NEGR1: variants seen among roughly 807,000 people sequenced by gnomAD.
NEGR1 encodes neuronal growth regulator 1.
Under a neutral mutation model 40.9 loss-of-function variants are expected in NEGR1, and 10 were observed. The ratio of observed to expected loss-of-function variants is 0.24; its 90% CI spans 0.15 to 0.42. The LOEUF is 0.42. Ranked by LOEUF, NEGR1 falls within the 10% of genes least tolerant of loss-of-function variation. NEGR1 has a pLI of 1.00. For synonymous variants in NEGR1, 185 were observed against 166.8 expected (o/e 1.11, Z -0.84); for missense variants, 352 against 438.9 (o/e 0.80, Z 1.77).
At chr1:71,577,451 G>T (rs760077610) in intron 6 of NEGR1, among the ~76,000 whole-genome samples, 2 of 152,170 alleles carry the variant, frequency 1.3e-5, no homozygotes, top group Non-Finnish European at 2.9e-5. Flanking sequence ...CCACTCTGAA[G>T]TGAGAAATAT....
At chr1:71,831,230 T>A (rs796504657) in intron 2 of NEGR1, among the ~76,000 whole-genome samples, 4 of 152,060 alleles carry the variant, frequency 2.6e-5, no homozygotes, top group African/African-American at 7.2e-5. Context: ...TTCATTCAAA[T>A]CACCAAGTAC....
intron 6 of NEGR1, chr1:71,477,396 G>C (rs945023598): frequency 5.9e-5 from 9 of 152,070 alleles, no homozygotes; most frequent in African/African-American, 1.9e-4. Flanking sequence ...AAAGGCTGAC[G>C]TTTGCTTTTG....
chr1:71,501,934 G>A (rs1647002005), intron 6 of NEGR1, among the ~76,000 whole-genome samples: 1 of 152,124 alleles, frequency 6.6e-6, no homozygotes, highest in South Asian at 2.1e-4. Flanking sequence ...GAACTCTATT[G>A]ACTTTTTTGT....
At chr1:72,046,423 G>C (rs1569873228) in intron 1 of NEGR1, among the ~76,000 whole-genome samples, 1 of 151,528 alleles carries the variant, frequency 6.6e-6, no homozygotes, top group African/African-American at 2.4e-5. Flanking sequence ...CCAGAGAGAT[G>C]AGACCTCTAT....
intron 2 of NEGR1, among the ~76,000 whole-genome samples, chr1:71,874,322 CTG>C (rs957248633): frequency 1.4e-4 from 22 of 152,098 alleles, no homozygotes; most frequent in African/African-American, 3.4e-4. Flanking sequence ...GAATCGAACA[CTG>C]TATTTAGGAG....
intron 3 of NEGR1, among the ~76,000 whole-genome samples, chr1:71,721,297 G>A (rs1400735736): frequency 6.6e-6 from 1 of 152,010 alleles, no homozygotes; most frequent in African/African-American, 2.4e-5. Context: ...AATGATGGAG[G>A]TCAGTTGCAG....
rs1449406609 is a variant in NEGR1 at position 72,032,607 on chromosome 1, A to G, written c.177-97296T>C. Among the ~76,000 whole-genome samples the G allele has an allele frequency of 3.9e-5, 6 of 152,326 alleles. No homozygotes were observed. In the East Asian group the frequency reaches 1.2e-3, roughly 29 times the overall value. ...CAGTTTATTCACACTCAAAATAAAG[A>G]AGCCATTTCACACACATAAAATCTT... On this transcript the variant is annotated intron_variant, in intron 1 of 6. Transcript: ENST00000357731.
rs573957268 is a variant in NEGR1 at position 71,400,938 on chromosome 1, C to G, written c.*6508G>C. On this transcript the variant is annotated 3_prime_UTR_variant, in exon 7 of 7. Coordinates refer to ENST00000357731, the MANE Select transcript of NEGR1 (RefSeq NM_173808.3). ...ATCCCAGCTACTGGGGAGGCTGATG[C>G]AGGAGAATCGCTTGAACCCAGGAGG... The G allele has an allele frequency of 6.6e-6, 1 of 152,410 alleles. No individual in the cohort carries two copies. The highest frequency in any genetic ancestry group is 6.6e-5 in the Admixed American group (1 of 15,260). The allele number at this position is 152,410 out of a possible 1,614,324, so 9.4% of individuals were successfully genotyped here.
chr1:71,815,220 G>T (rs1292740890), intron 2 of NEGR1, among the ~76,000 whole-genome samples: 2 of 152,060 alleles, frequency 1.3e-5, no homozygotes, highest in African/African-American at 4.8e-5. Context: ...GTGGTTTTGA[G>T]TAAGTTTCTT....
At chr1:71,870,329 T>C (rs1031850546) in intron 2 of NEGR1, among the ~76,000 whole-genome samples, 4 of 152,224 alleles carry the variant, frequency 2.6e-5, no homozygotes, top group East Asian at 1.9e-4. Context: ...GAAATATCTA[T>C]TATTTTTTAT....
At chr1:72,248,587 AT>A (rs1283884773) in intron 1 of NEGR1, among the ~76,000 whole-genome samples, 1 of 142,558 alleles carries the variant, frequency 7.0e-6, no homozygotes, top group Non-Finnish European at 1.5e-5. Flanking sequence ...TATTATTATT[AT>A]TATTATTATT....
chr1:71,460,249 T>C (rs992967356), intron 6 of NEGR1, among the ~76,000 whole-genome samples: 1 of 152,198 alleles, frequency 6.6e-6, no homozygotes, highest in Non-Finnish European at 1.5e-5. Flanking sequence ...GTTGTTGACA[T>C]CGGTCCAAGT....
intron 6 of NEGR1, among the ~76,000 whole-genome samples, chr1:71,503,334 T>C (rs357199): frequency 0.64 from 96,682 of 151,728 alleles, 31,223 homozygotes; most frequent in African/African-American, 0.7. Flanking sequence ...CCATGTTACC[T>C]ATCAAAGAAG....
intron 1 of NEGR1, among the ~76,000 whole-genome samples, chr1:71,973,161 A>G (rs1646272195): frequency 6.6e-6 from 1 of 152,038 alleles, no homozygotes; most frequent in African/African-American, 2.4e-5. Context: ...CTAAAAACAC[A>G]AAAAATTAGC....
At chr1:71,449,776 A>G (rs1458346700) in intron 6 of NEGR1, among the ~76,000 whole-genome samples, 3 of 152,144 alleles carry the variant, frequency 2.0e-5, no homozygotes, top group Admixed American at 6.5e-5. Flanking sequence ...TCGAGGTTAC[A>G]TGATCATTAA....
intron 1 of NEGR1, among the ~76,000 whole-genome samples, chr1:72,247,015 G>A (rs1403637292): frequency 1.3e-5 from 2 of 152,192 alleles, no homozygotes; most frequent in Non-Finnish European, 2.9e-5. Flanking sequence ...GTGAGCCGTG[G>A]ATAGAATGGG....
At chr1:71,709,483 T>C (rs922858364) in intron 3 of NEGR1, among the ~76,000 whole-genome samples, 25 of 152,144 alleles carry the variant, frequency 1.6e-4, no homozygotes, top group Non-Finnish European at 2.2e-4. Flanking sequence ...TACTGAGCTA[T>C]AGTAACCAAA....
At chr1:72,048,893 T>G (rs752281595) in intron 1 of NEGR1, among the ~76,000 whole-genome samples, 4 of 151,614 alleles carry the variant, frequency 2.6e-5, no homozygotes, top group Non-Finnish European at 5.9e-5. Context: ...CTTATACCAC[T>G]GGCCCAAAAT....
At chr1:71,478,217 A>C (rs141937871) in intron 6 of NEGR1, among the ~76,000 whole-genome samples, 435 of 152,134 alleles carry the variant, frequency 2.9e-3, no homozygotes, top group Admixed American at 4.8e-3. Context: ...AAATACTAGG[A>C]CTGTTCTAAA....
Sources: gnomAD v4.1 joint callset for allele counts (sites outside exome capture counted in the v4.1 genomes callset) on GRCh38, gnomAD v4.1.1 for gene constraint, MANE v1.5 for transcripts, NCBI Gene and HGNC (gene_info 2026-07-23, HGNC 2026-07-21) for gene names.